The following STK32B variants were observed in gnomAD, a reference collection of about 807,000 sequenced individuals.
STK32B encodes the protein serine/threonine kinase 32B.
STK32B carries 43 observed loss-of-function variants against 52.6 expected under a neutral mutation model. The ratio of observed to expected loss-of-function variants is 0.82; its 90% CI spans 0.64 to 1.05. The LOEUF is 1.05. Among genes scored for constraint, STK32B ranks in the 50% least tolerant of loss-of-function variants. STK32B has a pLI of 0.00. For missense variants in STK32B, 621 were observed against 534.6 expected (o/e 1.16, Z -1.59); for synonymous variants, 238 against 204.3 (o/e 1.17, Z -1.41).
intron 3 of STK32B, among the ~76,000 whole-genome samples, chr4:5,169,667 G>A (rs1266087599): frequency 6.6e-6 from 1 of 152,036 alleles, no homozygotes; most frequent in Non-Finnish European, 1.5e-5. Context: ...AGTTCTTCGT[G>A]TCTCTGTGCA....
intron 3 of STK32B, among the ~76,000 whole-genome samples, chr4:5,299,109 G>A (rs1454501602): frequency 6.6e-6 from 1 of 151,772 alleles, no homozygotes; most frequent in East Asian, 2.0e-4. Context: ...GCTTCTGCTT[G>A]CCCTTCATGG....
chr4:5,198,443 A>T (rs1009589313), intron 3 of STK32B, among the ~76,000 whole-genome samples: 4 of 151,958 alleles, frequency 2.6e-5, no homozygotes, highest in African/African-American at 9.7e-5. Context: ...AATACTAATA[A>T]TTTTTTTCAG....
chr4:5,332,163 C>T lies in STK32B; in HGVS notation c.434+770C>T, dbSNP rs571668667. 5.9e-5 allele frequency among the ~76,000 whole-genome samples: 9 copies of T among 152,184 alleles called. 1 individual carries two copies. The highest frequency in any genetic ancestry group is 1.4e-4 in the African/African-American group (6 of 41,510). ...GTAAAGATGACAGATTAAGCATATACGTCTAAATTTTTCCCTTGTTAAACT... is the reference window on the plus strand; with the variant it reads ...GTAAAGATGACAGATTAAGCATATATGTCTAAATTTTTCCCTTGTTAAACT... On this transcript the variant is annotated intron_variant, in intron 4 of 11. Transcript: ENST00000282908.
At chr4:5,255,767 C>A (rs757236218) in intron 3 of STK32B, among the ~76,000 whole-genome samples, 1 of 152,076 alleles carries the variant, frequency 6.6e-6, no homozygotes, top group Non-Finnish European at 1.5e-5. Flanking sequence ...TAAGTTTAAT[C>A]TTTTTCATTA....
At chr4:5,162,671 T>C (rs953114247) in intron 2 of STK32B, among the ~76,000 whole-genome samples, 1 of 152,240 alleles carries the variant, frequency 6.6e-6, no homozygotes, top group Non-Finnish European at 1.5e-5. Context: ...TGCCTTTCAG[T>C]AGCAGCTTGG....
intron 1 of STK32B, among the ~76,000 whole-genome samples, chr4:5,128,916 G>A (rs932609082): frequency 4.6e-5 from 7 of 152,220 alleles, no homozygotes; most frequent in Non-Finnish European, 1.0e-4. Flanking sequence ...AATTTCTGGG[G>A]TAAAACGTCA....
intron 4 of STK32B, among the ~76,000 whole-genome samples, chr4:5,384,580 C>G (rs1736129067): frequency 6.6e-6 from 1 of 152,064 alleles, no homozygotes; most frequent in African/African-American, 2.4e-5. Flanking sequence ...CCACGTTCAG[C>G]TGGGTGGGCG....
rs547075755 is a variant in STK32B, at chr4:5,149,344, G to A, written c.108+9384G>A. 1.1e-4 allele frequency among the ~76,000 whole-genome samples: 16 copies of A among 151,852 alleles called. No individual in the cohort carries two copies. The East Asian group carries it at 2.9e-3, about 27-fold the overall frequency. On this transcript the variant is annotated intron_variant, in intron 2 of 11. Transcript: ENST00000282908. ...TTAGTTCATGCACAGCTCATGTAAC[G>A]GTTTGATTTTGGTCTATTGTTGTTT...
In STK32B at chr4:5,469,332, C is replaced by A. The variant is rs563363836; in HGVS notation, c.1106+1262C>A. Reference sequence around the variant, plus strand: ...AGGAAACACGTGCTAAGGCCAAGGGCCACCCAGGGCAGTGCATGTCACAGC... The same window carrying A: ...AGGAAACACGTGCTAAGGCCAAGGGACACCCAGGGCAGTGCATGTCACAGC... On this transcript the variant is annotated intron_variant, in intron 11 of 11. Transcript: ENST00000282908. This position sits in a 1 kb window ranked among gnomAD's most constrained non-coding sequence, Gnocchi z 4.7. 6.6e-6 allele frequency among the ~76,000 whole-genome samples: 1 copy of A among 152,344 alleles called. No homozygotes were observed. The highest frequency in any genetic ancestry group is 2.1e-4 in the South Asian group (1 of 4,828).
chr4:5,128,204 C>A (rs540988633), intron 1 of STK32B, among the ~76,000 whole-genome samples: 1 of 152,292 alleles, frequency 6.6e-6, no homozygotes, highest in East Asian at 1.9e-4. Flanking sequence ...GACTTCTGGC[C>A]TCCAGAACTG....
intron 1 of STK32B, among the ~76,000 whole-genome samples, chr4:5,082,141 G>A (rs1712474902): frequency 6.6e-6 from 1 of 151,994 alleles, no homozygotes; most frequent in South Asian, 2.1e-4. Flanking sequence ...CCCTTGGAGG[G>A]ATTTCTTAAG....
chr4:5,348,180 A>G (rs1021827687), intron 4 of STK32B, among the ~76,000 whole-genome samples: 3 of 152,148 alleles, frequency 2.0e-5, no homozygotes, highest in Non-Finnish European at 2.9e-5. Flanking sequence ...AGGGGTCCAG[A>G]TTCCCACAAC....
At chr4:5,405,805 C>T (rs1252519247) in intron 5 of STK32B, among the ~76,000 whole-genome samples, 1 of 152,098 alleles carries the variant, frequency 6.6e-6, no homozygotes, top group Non-Finnish European at 1.5e-5. Context: ...GGCCCCTCTT[C>T]CAACACTGGG....
intron 3 of STK32B, among the ~76,000 whole-genome samples, chr4:5,298,329 T>C (rs1729339408): frequency 6.6e-6 from 1 of 152,196 alleles, no homozygotes. Context: ...GAAGATCTGC[T>C]GCTGTCTTCA....
chr4:5,372,357 G>A (rs1735298063), intron 4 of STK32B, among the ~76,000 whole-genome samples: 1 of 152,178 alleles, frequency 6.6e-6, no homozygotes, highest in African/African-American at 2.4e-5. Context: ...CAGCCGGGCT[G>A]TAGGTGGACT....
rs201560498 is a variant in STK32B, at chr4:5,189,023, AAAAG to A, written c.260+20577_260+20580del. Among the ~76,000 whole-genome samples, 414 of 150,298 alleles carry A rather than the reference AAAAG, an allele frequency of 2.8e-3. 2 individuals carry two copies. Among genetic ancestry groups the A allele is most frequent in the African/African-American group, 9.8e-3 (396 of 40,582 alleles). ...AACTTAAGGTATAATTTAAAAAAAAAAAAGAAAAACAGATGTAAAAGTTCACAGC... is the reference window on the plus strand; with the variant it reads ...AACTTAAGGTATAATTTAAAAAAAAAAAAAACAGATGTAAAAGTTCACAGC... On this transcript the variant is annotated intron_variant, in intron 3 of 11. Coordinates refer to ENST00000282908, the MANE Select transcript of STK32B (RefSeq NM_018401.3).
In STK32B at chr4:5,460,067, C is replaced by T; in HGVS notation, c.784-36C>T. The T allele has an allele frequency of 1.2e-6, 2 of 1,614,160 alleles. No individual in the cohort carries two copies. Among genetic ancestry groups the T allele is most frequent in the Non-Finnish European group, 1.7e-6 (2 of 1,180,024 alleles). ...AGTCCCCGCTAACCTTGAGGGATGC[C>T]CAATTCATGGAAACTCATTTGCCCT... On this transcript the variant is annotated intron_variant, in intron 8 of 11. Transcript: ENST00000282908. The surrounding 1 kb of genome is among the most constrained non-coding windows in gnomAD (Gnocchi z 4.8).
chr4:5,040,992 G>A, the STK32B span, among the ~76,000 whole-genome samples: 1 of 152,192 alleles, frequency 6.6e-6, no homozygotes, highest in Non-Finnish European at 1.5e-5. Context: ...TGTTGGGTGT[G>A]CGGCCCATCC....
chr4:5,309,016 A>G (rs1730114249), intron 3 of STK32B, among the ~76,000 whole-genome samples: 1 of 152,120 alleles, frequency 6.6e-6, no homozygotes, highest in Admixed American at 6.6e-5. Context: ...AGCTCCACAA[A>G]AAAACTCTTA....
Sources: gnomAD v4.1 joint callset for allele counts (sites outside exome capture counted in the v4.1 genomes callset) on GRCh38, gnomAD v4.1.1 for gene constraint, Gnocchi (gnomAD v3.1) non-coding constraint, MANE v1.5 for transcripts, NCBI Gene and HGNC (gene_info 2026-07-23, HGNC 2026-07-21) for gene names.